MARCHF1: variants seen among roughly 807,000 people sequenced by gnomAD.
MARCHF1 encodes the protein E3 ubiquitin-protein ligase MARCHF1.
In MARCHF1, 40 loss-of-function variants were observed where a neutral mutation model predicts 54.2. That is an observed-to-expected ratio of 0.74 (90% CI 0.57 to 0.96). MARCHF1 has a LOEUF of 0.96. Among genes scored for constraint, MARCHF1 ranks in the 40% least tolerant of loss-of-function variants. MARCHF1 has a pLI of 0.00. For missense variants in MARCHF1, 586 were observed against 656.5 expected, an observed-to-expected ratio of 0.89 and a Z score of 1.17; for synonymous variants, 236 against 236.3, an observed-to-expected ratio of 1.00 and a Z score of 0.01.
intron 1 of MARCHF1, among the ~76,000 whole-genome samples, chr4:164,364,780 G>A (rs1319180035): frequency 6.6e-6 from 1 of 150,428 alleles, no homozygotes; most frequent in Non-Finnish European, 1.5e-5. Context: ...CCCATTTGAG[G>A]TTTTTCTTTC....
At chr4:163,912,006 A>G (rs1420257489) in intron 3 of MARCHF1, among the ~76,000 whole-genome samples, 6 of 152,168 alleles carry the variant, frequency 3.9e-5, no homozygotes, top group African/African-American at 1.4e-4. Context: ...CTCTCAGAAG[A>G]AAAGAAATCG....
At chr4:163,667,243 C>G in intron 5 of MARCHF1, among the ~76,000 whole-genome samples, 1 of 152,096 alleles carries the variant, frequency 6.6e-6, no homozygotes, top group East Asian at 1.9e-4. Context: ...TGTGCTGGAG[C>G]GTGGCATTAT....
At chr4:163,691,167 G>A (rs1431403741) in intron 5 of MARCHF1, among the ~76,000 whole-genome samples, 3 of 152,122 alleles carry the variant, frequency 2.0e-5, no homozygotes, top group Non-Finnish European at 4.4e-5. Context: ...AAAGGCTATC[G>A]AATTGTTGTA....
chr4:164,380,378 T>A (rs1351135338), intron 1 of MARCHF1, among the ~76,000 whole-genome samples: 7 of 152,268 alleles, frequency 4.6e-5, no homozygotes, highest in Non-Finnish European at 1.5e-5. Flanking sequence ...TGCTATGCAC[T>A]GTCCCCCATG....
intron 1 of MARCHF1, among the ~76,000 whole-genome samples, chr4:164,114,856 T>C (rs1255691344): frequency 6.7e-6 from 1 of 149,732 alleles, no homozygotes; most frequent in Non-Finnish European, 1.5e-5. Flanking sequence ...TAGCAGAATA[T>C]AGTACAAATC....
rs1207564029 is a variant in MARCHF1 at position 163,929,929 on chromosome 4, TATATTATATATTTA to T, written c.-39+58558_-39+58571del. The stretch of plus-strand genomic sequence containing the variant: ...TTGGAAATATATATAATATATATAA[TATATTATATATTTA>T]TATTATATATATTATATATAATATA... On this transcript the variant is annotated intron_variant, in intron 3 of 9. Coordinates refer to ENST00000514618, the MANE Select transcript of MARCHF1 (RefSeq NM_001394959.1). Among the ~76,000 whole-genome samples, 278 of 75,186 alleles carry T rather than the reference TATATTATATATTTA, an allele frequency of 3.7e-3. 2 individuals are homozygous for T. The highest frequency in any genetic ancestry group is 0.012 in the African/African-American group (268 of 22,216). The allele number at this position is 75,186 out of a possible 152,430, so 49.3% of individuals were successfully genotyped here. A position where few individuals can be genotyped will look rare whatever the true frequency, so the allele number is the denominator to read the frequency against.
intron 3 of MARCHF1, among the ~76,000 whole-genome samples, chr4:163,907,679 TG>T (rs1751099064): frequency 6.6e-6 from 1 of 152,126 alleles, no homozygotes; most frequent in Non-Finnish European, 1.5e-5. Flanking sequence ...TGGAATGAAT[TG>T]GAATTGCAAT....
intron 5 of MARCHF1, among the ~76,000 whole-genome samples, chr4:163,661,836 G>T (rs912341720): frequency 1.3e-5 from 2 of 151,916 alleles, no homozygotes; most frequent in Admixed American, 1.3e-4. Context: ...AGATTAGTTT[G>T]GATTTTCTAG....
At chr4:164,196,881 A>G (rs1731276530) in intron 1 of MARCHF1, 2 of 1,179,940 alleles carry the variant, frequency 1.7e-6, no homozygotes, top group African/African-American at 3.0e-5. Context: ...ATCAGAAAAA[A>G]GTAAGTTTCA....
rs553724773 is a variant in MARCHF1 at position 164,305,059 on chromosome 4, A to T, written c.-323+78811T>A. Among the ~76,000 whole-genome samples the T allele has an allele frequency of 9.2e-5, 14 of 152,280 alleles. No homozygotes were observed. In the East Asian group the frequency reaches 2.5e-3, roughly 27 times the overall value. On this transcript the variant is annotated intron_variant, in intron 1 of 9. Transcript: ENST00000514618. The stretch of plus-strand genomic sequence containing the variant: ...ACCACAAACACATTGCTTTGGCCAT[A>T]CTGGACCCACTCAGTCATCTAGTCA...
chr4:164,021,869 A>T (rs972530843), intron 2 of MARCHF1, among the ~76,000 whole-genome samples: 2 of 149,016 alleles, frequency 1.3e-5, no homozygotes, highest in Admixed American at 6.7e-5. Context: ...AAAAAAAATT[A>T]TATATATATA....
chr4:163,543,800 C>T (rs1246243100), intron 9 of MARCHF1, among the ~76,000 whole-genome samples: 2 of 152,128 alleles, frequency 1.3e-5, no homozygotes, highest in African/African-American at 4.8e-5. Context: ...GTATACATGA[C>T]GTGAGATTGC....
chr4:164,197,081 T>C, intron 1 of MARCHF1: 1 of 1,606,634 alleles, frequency 6.2e-7, no homozygotes, highest in South Asian at 1.1e-5. Context: ...TCTCCATCGT[T>C]ATAACCTTCT....
chr4:164,039,722 C>A (rs918828858), intron 2 of MARCHF1, among the ~76,000 whole-genome samples: 3 of 151,864 alleles, frequency 2.0e-5, no homozygotes, highest in Admixed American at 2.0e-4. Flanking sequence ...TATTGTAGTA[C>A]AATGCTGCTT....
chr4:163,968,467 T>C (rs1752486196), intron 3 of MARCHF1, among the ~76,000 whole-genome samples: 1 of 152,188 alleles, frequency 6.6e-6, no homozygotes, highest in Admixed American at 6.5e-5. Context: ...CATGTCTTTC[T>C]CGAAAACTCA....
intron 4 of MARCHF1, among the ~76,000 whole-genome samples, chr4:163,729,777 A>T (rs1346692885): frequency 6.6e-6 from 1 of 152,110 alleles, no homozygotes; most frequent in African/African-American, 2.4e-5. Flanking sequence ...AAAATTTCTG[A>T]TGAGAAATCT....
intron 1 of MARCHF1, among the ~76,000 whole-genome samples, chr4:164,214,712 A>G (rs1334201692): frequency 1.3e-5 from 2 of 152,234 alleles, no homozygotes; most frequent in African/African-American, 4.8e-5. Context: ...ATTTTAGTAT[A>G]TTTAAAAAAT....
chr4:163,720,875 T>G (rs932758429), intron 4 of MARCHF1, among the ~76,000 whole-genome samples: 2 of 152,256 alleles, frequency 1.3e-5, no homozygotes, highest in African/African-American at 4.8e-5. Flanking sequence ...TGCACACTGA[T>G]TTTGTATCCT....
intron 1 of MARCHF1, among the ~76,000 whole-genome samples, chr4:164,136,864 T>C (rs1430124853): frequency 6.6e-6 from 1 of 152,176 alleles, no homozygotes; most frequent in African/African-American, 2.4e-5. Context: ...CAATGTAGTA[T>C]GGAAGAGAAG....
Sources: gnomAD v4.1 joint callset for allele counts (sites outside exome capture counted in the v4.1 genomes callset) on GRCh38, gnomAD v4.1.1 for gene constraint, MANE v1.5 for transcripts, NCBI Gene and HGNC (gene_info 2026-07-23, HGNC 2026-07-21) for gene names.